Variants in HCN1 observed in about 807,000 individuals in gnomAD.
HCN1 encodes the protein hyperpolarization activated cyclic nucleotide gated potassium channel 1.
In HCN1, 13 loss-of-function variants were observed where a neutral mutation model predicts 78.9. The ratio of observed to expected loss-of-function variants is 0.16; its 90% CI spans 0.11 to 0.26. The LOEUF is 0.26. HCN1 is among the 10% of genes least tolerant of loss of function. The pLI is 1.00. For missense variants in HCN1, 810 were observed against 1,154.3 expected (o/e 0.70, Z 4.32); for synonymous variants, 552 against 455.5 (o/e 1.21, Z -2.70).
intron 2 of HCN1, among the ~76,000 whole-genome samples, chr5:45,639,877 A>T (rs1745420625): frequency 6.6e-6 from 1 of 152,098 alleles, no homozygotes; most frequent in African/African-American, 2.4e-5. Flanking sequence ...AAATGTATCA[A>T]TGGCACCTTT....
At chr5:45,372,744 T>C (rs543293541) in intron 4 of HCN1, among the ~76,000 whole-genome samples, 3 of 143,056 alleles carry the variant, frequency 2.1e-5, no homozygotes, top group Admixed American at 7.2e-5. Context: ...TATAAAAATA[T>C]ATACGTATTC....
intron 2 of HCN1, among the ~76,000 whole-genome samples, chr5:45,633,276 T>A (rs1178483700): frequency 1.3e-5 from 2 of 151,962 alleles, no homozygotes; most frequent in Non-Finnish European, 2.9e-5. Flanking sequence ...TATTTTGCAA[T>A]CTCAAAAGCA....
chr5:45,567,558 TACACACAC>T (rs36230541), intron 2 of HCN1, among the ~76,000 whole-genome samples: 10,803 of 132,742 alleles, frequency 0.081, 623 homozygotes, highest in African/African-American at 0.16. Flanking sequence ...CATTTTAGGC[TACACACAC>T]ACACACACAC....
intron 6 of HCN1, among the ~76,000 whole-genome samples, chr5:45,301,693 C>A (rs1461327642): frequency 6.7e-6 from 1 of 148,280 alleles, no homozygotes; most frequent in Non-Finnish European, 1.5e-5. Context: ...TGCACTTCAG[C>A]CTAGGTGACA....
intron 6 of HCN1, among the ~76,000 whole-genome samples, chr5:45,297,304 C>T (rs553759775): frequency 3.4e-4 from 51 of 152,180 alleles, no homozygotes; most frequent in African/African-American, 1.1e-3. Context: ...CCACCCTGGG[C>T]GGGCCAGGTG....
At chr5:45,427,391 T>C (rs1197516075) in intron 3 of HCN1, among the ~76,000 whole-genome samples, 1 of 152,180 alleles carries the variant, frequency 6.6e-6, no homozygotes, top group Non-Finnish European at 1.5e-5. Flanking sequence ...TTTTAGTTTT[T>C]AGGTTTTAGT....
chr5:45,451,886 A>C (rs1184294743), intron 3 of HCN1, among the ~76,000 whole-genome samples: 4 of 151,990 alleles, frequency 2.6e-5, no homozygotes, highest in Non-Finnish European at 5.9e-5. Context: ...TATCACATTG[A>C]TCACAGTAGC....
At chr5:45,367,857 T>A (rs1238342782) in intron 4 of HCN1, among the ~76,000 whole-genome samples, 1 of 151,886 alleles carries the variant, frequency 6.6e-6, no homozygotes, top group Non-Finnish European at 1.5e-5. Context: ...TTACTAAAAA[T>A]TTAGGGACCT....
intron 2 of HCN1, among the ~76,000 whole-genome samples, chr5:45,611,712 ATTCT>A (rs200764746): frequency 7.2e-4 from 109 of 152,224 alleles, no homozygotes; most frequent in Middle Eastern, 3.4e-3. Flanking sequence ...TTCAAATATG[ATTCT>A]TTCTTTTAAA....
intron 2 of HCN1, among the ~76,000 whole-genome samples, chr5:45,616,806 C>T (rs967799859): frequency 7.2e-5 from 11 of 151,762 alleles, no homozygotes; most frequent in Non-Finnish European, 1.5e-4. Flanking sequence ...TCCATTTTTC[C>T]TTCGATTTTT....
At chr5:45,351,692 C>G (rs1385616041) in intron 5 of HCN1, among the ~76,000 whole-genome samples, 2 of 145,852 alleles carry the variant, frequency 1.4e-5, no homozygotes, top group Non-Finnish European at 3.0e-5. Flanking sequence ...AAAAAACAAA[C>G]AACCCCATCA....
At chr5:45,533,644 C>G (rs1373512897) in intron 2 of HCN1, among the ~76,000 whole-genome samples, 1 of 152,118 alleles carries the variant, frequency 6.6e-6, no homozygotes, top group Non-Finnish European at 1.5e-5. Flanking sequence ...ATCCTATGTG[C>G]CCACTGAATG....
At chr5:45,645,038 C>A in intron 2 of HCN1, 147 bp downstream of exon 2, 3 of 610,862 alleles carry the variant, frequency 4.9e-6, no homozygotes, top group South Asian at 4.3e-5. Context: ...ACAAATATAT[C>A]ACTTATGCAT....
At chr5:45,514,606 C>T (rs961917179) in intron 2 of HCN1, among the ~76,000 whole-genome samples, 7 of 152,050 alleles carry the variant, frequency 4.6e-5, no homozygotes, top group South Asian at 2.1e-4. Flanking sequence ...ACCAACCTTC[C>T]CAAAATTTGT....
At chr5:45,622,517 AAGAC>A (rs1380699196) in intron 2 of HCN1, among the ~76,000 whole-genome samples, 1 of 152,282 alleles carries the variant, frequency 6.6e-6, no homozygotes, top group South Asian at 2.1e-4. Flanking sequence ...TTTCTCCAAA[AAGAC>A]AGAGCCAGCT....
At chr5:45,478,736 G>A (rs1054737057) in intron 2 of HCN1, among the ~76,000 whole-genome samples, 5 of 152,176 alleles carry the variant, frequency 3.3e-5, no homozygotes, top group South Asian at 2.1e-4. Context: ...TGTGTGTGGT[G>A]TGTCTGTGTA....
chr5:45,569,134 T>C (rs1462302670), intron 2 of HCN1, among the ~76,000 whole-genome samples: 2 of 152,134 alleles, frequency 1.3e-5, no homozygotes, highest in Non-Finnish European at 2.9e-5. Context: ...TACCTCCAGC[T>C]AATGACCTTT....
At chr5:45,577,651 C>T (rs1341419514) in intron 2 of HCN1, among the ~76,000 whole-genome samples, 2 of 151,850 alleles carry the variant, frequency 1.3e-5, no homozygotes, top group Non-Finnish European at 2.9e-5. Flanking sequence ...ATCTAGGTAG[C>T]ATAAAGTTCT....
chr5:45,285,603 A>G (rs1032298141), intron 6 of HCN1, among the ~76,000 whole-genome samples: 4 of 151,912 alleles, frequency 2.6e-5, no homozygotes, highest in Non-Finnish European at 5.9e-5. Flanking sequence ...ATTCATTTTC[A>G]TGGTCCCTGA....
Sources: gnomAD v4.1 joint callset for allele counts (sites outside exome capture counted in the v4.1 genomes callset) on GRCh38, gnomAD v4.1.1 for gene constraint, MANE v1.5 for transcripts, NCBI Gene and HGNC (gene_info 2026-07-23, HGNC 2026-07-21) for gene names.